ARHGEF10: variants seen among roughly 807,000 people sequenced by gnomAD.
The protein encoded by ARHGEF10 is Rho guanine nucleotide exchange factor (GEF) 10.
Under a neutral mutation model 147.4 loss-of-function variants are expected in ARHGEF10, and 140 were observed. The ratio of observed to expected loss-of-function variants is 0.95; its 90% CI spans 0.83 to 1.09. The LOEUF is 1.09. Among genes scored for constraint, ARHGEF10 ranks in the 50% least tolerant of loss-of-function variants. ARHGEF10 has a pLI of 0.00. For missense variants in ARHGEF10, 2,222 were observed against 1,752.7 expected, an observed-to-expected ratio of 1.27 and a Z score of -4.78; for synonymous variants, 902 against 695.8, an observed-to-expected ratio of 1.30 and a Z score of -4.67.
At position 1,888,183 on chromosome 8, in the gene ARHGEF10, T is replaced by TGAGGGTTGCGAGGAGACACTTAGTGGGGC. The variant is rs1808907550; in HGVS notation, c.1182+2483_1182+2484insGCGAGGAGACACTTAGTGGGGCGAGGGTT. On this transcript the variant is annotated intron_variant, in intron 11 of 28. Transcript: ENST00000349830. ...GGTTGCGAGGAGACAGTGAGTGGGG[T>TGAGGGTTGCGAGGAGACACTTAGTGGGGC]GAGGGTTTGCGAGGAGACACTTAGT... Among the ~76,000 whole-genome samples, 28 of 40,908 alleles carry TGAGGGTTGCGAGGAGACACTTAGTGGGGC rather than the reference T, an allele frequency of 6.8e-4. 8 individuals carry two copies. Among genetic ancestry groups the TGAGGGTTGCGAGGAGACACTTAGTGGGGC allele is most frequent in the South Asian group, 2.0e-3 (3 of 1,502 alleles). 26.8% of individuals were successfully genotyped at this position (40,908 alleles called of 152,430 possible).
intron 2 of ARHGEF10, among the ~76,000 whole-genome samples, chr8:1,850,119 CACAGAG>C (rs1804963310): frequency 1.5e-5 from 2 of 135,142 alleles, no homozygotes; most frequent in Admixed American, 1.4e-4. Flanking sequence ...GCTGCATGGA[CACAGAG>C]GGCAAATGCT....
rs756640733 is a variant in ARHGEF10 at position 1,868,878 on chromosome 8, C to T, written c.623-316C>T. Among the ~76,000 whole-genome samples, 8 of 152,042 alleles carry T rather than the reference C, an allele frequency of 5.3e-5. No homozygotes were observed. The East Asian group carries it at 5.8e-4, about 11-fold the overall frequency. On this transcript the variant is annotated intron_variant, in intron 6 of 28. Coordinates refer to ENST00000349830, the MANE Select transcript of ARHGEF10 (RefSeq NM_014629.4). ...ACACAAAATCATAGAATAAGTTTGA[C>T]CTGGAAACCATAAAACTCCTTCCTA...
chr8:1,868,969 A>C (rs774638411), intron 6 of ARHGEF10, among the ~76,000 whole-genome samples: 14 of 152,164 alleles, frequency 9.2e-5, no homozygotes, highest in Non-Finnish European at 1.9e-4. Context: ...TTCTGCCCTA[A>C]AAATAATGCT....
chr8:1,906,410 G>A (rs1345590252), intron 17 of ARHGEF10, among the ~76,000 whole-genome samples: 4 of 152,118 alleles, frequency 2.6e-5, no homozygotes, highest in Admixed American at 2.0e-4. Flanking sequence ...TCATCCACAC[G>A]GGAACATTTA....
intron 2 of ARHGEF10, among the ~76,000 whole-genome samples, chr8:1,847,737 C>T (rs902223077): frequency 6.6e-6 from 1 of 152,140 alleles, no homozygotes; most frequent in African/African-American, 2.4e-5. Context: ...CAGCCTGGTG[C>T]TTTTTAAAGG....
intron 2 of ARHGEF10, among the ~76,000 whole-genome samples, chr8:1,851,872 A>T (rs1805176921): frequency 6.6e-6 from 1 of 151,862 alleles, no homozygotes; most frequent in Non-Finnish European, 1.5e-5. Context: ...TGCGATCGCA[A>T]TACTGCACTC....
intron 7 of ARHGEF10, among the ~76,000 whole-genome samples, chr8:1,874,253 C>T (rs1017276312): frequency 9.9e-5 from 15 of 152,152 alleles, no homozygotes; most frequent in African/African-American, 2.9e-4. Flanking sequence ...TTGAAAACCA[C>T]CCGTTTTTCA....
chr8:1,897,038 C>T (rs1238108705), intron 14 of ARHGEF10, among the ~76,000 whole-genome samples: 1 of 151,382 alleles, frequency 6.6e-6, no homozygotes, highest in East Asian at 2.0e-4. Context: ...TGTGTTCTGA[C>T]AGTTTGCTGC....
At chr8:1,884,382 C>CAAGAGT (rs1305679007) in intron 10 of ARHGEF10, among the ~76,000 whole-genome samples, 2 of 141,502 alleles carry the variant, frequency 1.4e-5, no homozygotes, top group Non-Finnish European at 3.0e-5. Flanking sequence ...GGCGACAGAG[C>CAAGAGT]AAGAGTCCAT....
chr8:1,856,516 T>G (rs1315429289), intron 2 of ARHGEF10, among the ~76,000 whole-genome samples: 1 of 152,200 alleles, frequency 6.6e-6, no homozygotes, highest in Non-Finnish European at 1.5e-5. Context: ...ACACCTCAAA[T>G]TTAAAGGTTG....
intron 2 of ARHGEF10, among the ~76,000 whole-genome samples, chr8:1,848,167 G>A (rs1029834666): frequency 6.6e-6 from 1 of 152,212 alleles, no homozygotes; most frequent in Non-Finnish European, 1.5e-5. Flanking sequence ...CTTTTGCATC[G>A]TGCATATTGT....
chr8:1,869,510 G>A, intron 7 of ARHGEF10: 1 of 601,952 alleles, frequency 1.7e-6, no homozygotes, highest in Non-Finnish European at 3.0e-6. Context: ...GAAAATGCCG[G>A]CAAAGAGGTA....
intron 27 of ARHGEF10, among the ~76,000 whole-genome samples, chr8:1,946,341 G>T (rs1039877028): frequency 6.6e-6 from 1 of 152,190 alleles, no homozygotes; most frequent in Admixed American, 6.5e-5. Flanking sequence ...CTCTGCCTCC[G>T]AGCCCTTCGG....
intron 2 of ARHGEF10, among the ~76,000 whole-genome samples, chr8:1,851,732 G>A (rs1310141242): frequency 6.6e-6 from 1 of 152,106 alleles, no homozygotes; most frequent in Admixed American, 6.5e-5. Flanking sequence ...GGGCAACATA[G>A]TGCCACCTCG....
At chr8:1,913,544 C>T (rs942483340) in intron 18 of ARHGEF10, among the ~76,000 whole-genome samples, 26 of 152,352 alleles carry the variant, frequency 1.7e-4, no homozygotes, top group African/African-American at 5.8e-4. Flanking sequence ...CACCTTTTAA[C>T]GGAACAGGAT....
chr8:1,929,534 C>G, intron 25 of ARHGEF10, 91 bp downstream of exon 25: 1 of 1,458,238 alleles, frequency 6.9e-7, no homozygotes. Context: ...CCCCACCGGC[C>G]TCCTGCCTCC....
rs1353665233 is a variant in ARHGEF10, at chr8:1,824,015, G to A, written c.-146G>A. ...CGCGGGGGACGCGGGGGACGGCGGG[G>A]AACGGCGGGGGACGGCGGGGAACAG... On this transcript the variant is annotated 5_prime_UTR_variant, in exon 1 of 29. Transcript: ENST00000349830. The A allele has an allele frequency of 1.2e-4, 13 of 107,580 alleles. No homozygotes were observed. The highest frequency in any genetic ancestry group is 4.7e-4 in the African/African-American group (13 of 27,458). The allele number at this position is 107,580 out of a possible 1,614,324, so 6.7% of individuals were successfully genotyped here.
intron 18 of ARHGEF10, among the ~76,000 whole-genome samples, chr8:1,920,393 G>GCT (rs528211183): frequency 5.3e-4 from 80 of 152,252 alleles, no homozygotes; most frequent in South Asian, 1.0e-3. Flanking sequence ...CACAATTATA[G>GCT]CTCACTGCAG....
chr8:1,857,818 C>G, intron 2 of ARHGEF10, 142 bp from the exon 3 acceptor site: 1 of 747,906 alleles, frequency 1.3e-6, no homozygotes, highest in Non-Finnish European at 2.2e-6. Context: ...AAAAGGTTAA[C>G]TACAAGCGCA....
Sources: allele counts gnomAD v4.1 joint callset (sites outside exome capture counted in the v4.1 genomes callset), GRCh38; gene constraint gnomAD v4.1.1; transcripts MANE v1.5; gene names NCBI Gene and HGNC (gene_info 2026-07-23, HGNC 2026-07-21).